Variants in CHLSN observed in about 807,000 individuals in gnomAD.
CHLSN encodes the protein cholesin.
chr7:1,054,078 A>G, the CHLSN span, among the ~76,000 whole-genome samples: 56 of 152,324 alleles, frequency 3.7e-4, no homozygotes, highest in African/African-American at 1.3e-3. Flanking sequence ...GCTCCTGACA[A>G]AGGCGGGAAC....
At chr7:1,031,906 G>A in the CHLSN span, among the ~76,000 whole-genome samples, 1 of 152,100 alleles carries the variant, frequency 6.6e-6, no homozygotes, top group Non-Finnish European at 1.5e-5. Context: ...CACCACCCGG[G>A]GAACGGGCCG....
chr7:1,057,139 A>T, the CHLSN span, among the ~76,000 whole-genome samples: 1 of 152,088 alleles, frequency 6.6e-6, no homozygotes, highest in Admixed American at 6.6e-5. Context: ...GACATCTAGT[A>T]AACTTCGGGA....
At chr7:1,054,455 G>A in the CHLSN span, among the ~76,000 whole-genome samples, 1 of 152,242 alleles carries the variant, frequency 6.6e-6, no homozygotes, top group African/African-American at 2.4e-5. Flanking sequence ...GCGTTCCCAG[G>A]TCCCGGCTGG....
At chr7:988,375 T>C in the CHLSN span, 3 of 1,612,544 alleles carry the variant, frequency 1.9e-6, no homozygotes, top group African/African-American at 2.7e-5. Context: ...TGGACGCGAA[T>C]GGGCACTTTG....
chr7:994,897 G>A, the CHLSN span, among the ~76,000 whole-genome samples: 1 of 152,364 alleles, frequency 6.6e-6, no homozygotes, highest in Non-Finnish European at 1.5e-5. Flanking sequence ...GCATGCCCAC[G>A]CTAAGTTTGG....
the CHLSN span, chr7:988,390 G>A: frequency 6.2e-7 from 1 of 1,612,688 alleles, no homozygotes; most frequent in Admixed American, 1.7e-5. Flanking sequence ...ACTTTGTGAA[G>A]CGGGAGGCCT....
the CHLSN span, among the ~76,000 whole-genome samples, chr7:992,141 G>A: frequency 1.3e-5 from 2 of 152,102 alleles, no homozygotes; most frequent in African/African-American, 2.4e-5. Flanking sequence ...ACTGCTCCCC[G>A]GACGTCTGTC....
the CHLSN span, among the ~76,000 whole-genome samples, chr7:1,037,404 G>A: frequency 5.5e-5 from 7 of 127,634 alleles, 2 homozygotes; most frequent in Non-Finnish European, 8.6e-5. Context: ...GCAGGTGCGC[G>A]CCGCCACGCC....
chr7:1,011,554 TACCCAAACAC>T, the CHLSN span, among the ~76,000 whole-genome samples: 3 of 131,982 alleles, frequency 2.3e-5, no homozygotes, highest in East Asian at 2.3e-4. Flanking sequence ...AACACCCAGA[TACCCAAACAC>T]ACCCAAACAC....
At chr7:1,095,460 G>A in the CHLSN span, among the ~76,000 whole-genome samples, 2 of 152,182 alleles carry the variant, frequency 1.3e-5, no homozygotes, top group Admixed American at 6.5e-5. Context: ...GAAAGCAGGC[G>A]GGGTGGGTGC....
the CHLSN span, among the ~76,000 whole-genome samples, chr7:1,086,187 G>T: frequency 6.6e-6 from 1 of 152,278 alleles, no homozygotes; most frequent in Non-Finnish European, 1.5e-5. Context: ...CAGCCGCTGG[G>T]ATGGGCAGAG....
At chr7:1,116,086 C>A in the CHLSN span, among the ~76,000 whole-genome samples, 1 of 115,958 alleles carries the variant, frequency 8.6e-6, no homozygotes, top group East Asian at 2.5e-4. Flanking sequence ...ATGATGACAT[C>A]ACTACAGCTC....
chr7:1,068,648 C>A, the CHLSN span, among the ~76,000 whole-genome samples: 10 of 152,112 alleles, frequency 6.6e-5, no homozygotes, highest in Admixed American at 6.5e-4. Context: ...CCCCAGTCTT[C>A]CCCCCAACGC....
the CHLSN span, chr7:1,127,238 G>T: frequency 6.3e-7 from 1 of 1,584,892 alleles, no homozygotes; most frequent in Non-Finnish European, 8.5e-7. Flanking sequence ...CAGGGCCAGT[G>T]AAGCACAGGC....
At chr7:993,890 C>T in the CHLSN span, among the ~76,000 whole-genome samples, 4 of 149,286 alleles carry the variant, frequency 2.7e-5, no homozygotes, top group Admixed American at 6.7e-5. Flanking sequence ...TTGGTGTGAG[C>T]TGTTTCTCAG....
chr7:1,021,009 C>G, the CHLSN span, among the ~76,000 whole-genome samples: 1 of 150,410 alleles, frequency 6.6e-6, no homozygotes, highest in South Asian at 2.1e-4. Flanking sequence ...AGGCTGGGGA[C>G]CTTCGGGCAG....
At chr7:1,106,334 G>C in the CHLSN span, among the ~76,000 whole-genome samples, 1 of 152,188 alleles carries the variant, frequency 6.6e-6, no homozygotes, top group Non-Finnish European at 1.5e-5. Flanking sequence ...GACCCAGCCA[G>C]AGCGAAACCC....
At chr7:1,012,453 G>A in the CHLSN span, among the ~76,000 whole-genome samples, 1 of 152,262 alleles carries the variant, frequency 6.6e-6, no homozygotes, top group Non-Finnish European at 1.5e-5. Flanking sequence ...CAGGCTTCCT[G>A]AGCGCCCGGT....
chr7:1,021,212 A>T, the CHLSN span: 1 of 191,716 alleles, frequency 5.2e-6, no homozygotes, highest in South Asian at 1.8e-4. Context: ...CAGACTGGGG[A>T]CCTCCCAGCA....
Sources: gnomAD v4.1 joint callset for allele counts (sites outside exome capture counted in the v4.1 genomes callset) on GRCh38, gnomAD v4.1.1 for gene constraint, MANE v1.5 for transcripts, NCBI Gene and HGNC (gene_info 2026-07-23, HGNC 2026-07-21) for gene names.